Variants in SCAPER observed in about 807,000 individuals in gnomAD.
SCAPER encodes the protein S phase cyclin A-associated protein in the endoplasmic reticulum.
A neutral mutation model predicts 182.2 loss-of-function variants in SCAPER; 98 were observed. The observed-to-expected ratio is 0.54, with a 90% CI of 0.46 to 0.64. The LOEUF is 0.64. Ranked by LOEUF, SCAPER falls within the 30% of genes least tolerant of loss-of-function variation. The pLI, the probability that SCAPER is intolerant of heterozygous loss-of-function variation, is 0.00. For missense variants in SCAPER, 1,432 were observed against 1,690.0 expected (o/e 0.85, Z 2.68); for synonymous variants, 605 against 564.6 (o/e 1.07, Z -1.01).
intron 25 of SCAPER, among the ~76,000 whole-genome samples, chr15:76,442,992 T>G (rs2047721231): frequency 6.6e-6 from 1 of 152,262 alleles, no homozygotes; most frequent in Non-Finnish European, 1.5e-5. Flanking sequence ...GCATGTGTAT[T>G]GATGCAAATG....
At chr15:76,757,539 T>C (rs181905445) in intron 14 of SCAPER, among the ~76,000 whole-genome samples, 40 of 152,264 alleles carry the variant, frequency 2.6e-4, no homozygotes, top group Admixed American at 5.9e-4. Flanking sequence ...TTCCATATCT[T>C]GGCTATTACG....
intron 5 of SCAPER, among the ~76,000 whole-genome samples, chr15:76,816,853 G>A (rs926673085): frequency 1.6e-4 from 25 of 151,912 alleles, no homozygotes; most frequent in Non-Finnish European, 2.5e-4. Flanking sequence ...TAGTACAGAC[G>A]GTGTTAGCCA....
At chr15:76,392,641 C>T (rs1318109514) in intron 27 of SCAPER, among the ~76,000 whole-genome samples, 1 of 152,084 alleles carries the variant, frequency 6.6e-6, no homozygotes, top group African/African-American at 2.4e-5. Flanking sequence ...GTCTCAGCTA[C>T]TTGGGAAGCT....
intron 21 of SCAPER, among the ~76,000 whole-genome samples, chr15:76,649,347 T>C (rs913393780): frequency 2.0e-4 from 30 of 152,138 alleles, no homozygotes; most frequent in Non-Finnish European, 7.4e-5. Context: ...GGAGGATCAC[T>C]TGAGCCTGAG....
chr15:76,721,524 C>T (rs1394956117), intron 17 of SCAPER, among the ~76,000 whole-genome samples: 1 of 151,906 alleles, frequency 6.6e-6, no homozygotes, highest in Admixed American at 6.6e-5. Flanking sequence ...GGCAGTATGG[C>T]CATTTTCACG....
At chr15:76,901,302 A>T (rs182927437) in intron 1 of SCAPER, among the ~76,000 whole-genome samples, 1 of 152,242 alleles carries the variant, frequency 6.6e-6, no homozygotes, top group Non-Finnish European at 1.5e-5. Context: ...AAGATTTTCA[A>T]TTCTGATTAC....
chr15:76,760,979 A>C (rs2062745869), intron 14 of SCAPER, among the ~76,000 whole-genome samples: 1 of 152,148 alleles, frequency 6.6e-6, no homozygotes, highest in African/African-American at 2.4e-5. Context: ...CAGTGAAGCC[A>C]TCTGGCCCTA....
chr15:76,903,106 C>T (rs989650971), intron 1 of SCAPER, among the ~76,000 whole-genome samples: 1 of 151,794 alleles, frequency 6.6e-6, no homozygotes, highest in Middle Eastern at 3.2e-3. Context: ...ATCTCAAGTC[C>T]CTTCATCTTA....
At chr15:76,776,745 A>G (rs2063767445) in intron 8 of SCAPER, among the ~76,000 whole-genome samples, 1 of 152,096 alleles carries the variant, frequency 6.6e-6, no homozygotes, top group South Asian at 2.1e-4. Context: ...CAGGGAGCTG[A>G]GCTTATAAAA....
At chr15:76,868,285 C>T (rs972162478) in intron 2 of SCAPER, among the ~76,000 whole-genome samples, 2 of 151,930 alleles carry the variant, frequency 1.3e-5, no homozygotes, top group African/African-American at 4.8e-5. Context: ...CCTAGCACTT[C>T]GAGAGGCAGA....
chr15:76,538,988 C>G (rs2044470098), intron 23 of SCAPER, among the ~76,000 whole-genome samples: 1 of 151,480 alleles, frequency 6.6e-6, no homozygotes, highest in East Asian at 1.9e-4. Context: ...TTCCTACAGT[C>G]ATATAAACAA....
intron 20 of SCAPER, among the ~76,000 whole-genome samples, chr15:76,682,285 T>A (rs1171370012): frequency 8.5e-6 from 1 of 117,998 alleles, no homozygotes; most frequent in Admixed American, 9.2e-5. Context: ...CCCCACAGTG[T>A]ACGTGTGAGC....
chr15:76,875,810 T>C (rs2073100455), intron 2 of SCAPER, among the ~76,000 whole-genome samples: 5 of 152,124 alleles, frequency 3.3e-5, no homozygotes, highest in Admixed American at 1.3e-4. Flanking sequence ...TCACAGCTCA[T>C]AAAGGCAGTG....
At chr15:76,601,204 A>C (rs180760432) in intron 22 of SCAPER, among the ~76,000 whole-genome samples, 1 of 121,814 alleles carries the variant, frequency 8.2e-6, no homozygotes, top group East Asian at 2.2e-4. Flanking sequence ...TCTCCATCTA[A>C]TGATACGTAT....
chr15:76,516,557 T>C (rs2042440496), intron 23 of SCAPER, among the ~76,000 whole-genome samples: 1 of 152,234 alleles, frequency 6.6e-6, no homozygotes, highest in South Asian at 2.1e-4. Context: ...CCTTTTTTTA[T>C]GGCTGCATAG....
rs189053878 is a variant in SCAPER, at chr15:76,644,673, C to A, written c.2645+20980G>T. Among the ~76,000 whole-genome samples the A allele has an allele frequency of 1.7e-3, 257 of 152,174 alleles. 1 individual carries two copies. The highest frequency in any genetic ancestry group is 5.9e-3 in the African/African-American group (245 of 41,530). ...AGCTTCAACAATTCCCCACAATACCCAGTATAAAACCTAAACTACTTATAG... is the reference window on the plus strand; with the variant it reads ...AGCTTCAACAATTCCCCACAATACCAAGTATAAAACCTAAACTACTTATAG... On this transcript the variant is annotated intron_variant, in intron 21 of 31. Transcript: ENST00000563290.
At chr15:76,731,562 T>A (rs112289429) in intron 16 of SCAPER, among the ~76,000 whole-genome samples, 2 of 152,334 alleles carry the variant, frequency 1.3e-5, no homozygotes, top group African/African-American at 4.8e-5. Flanking sequence ...TAGGTTAGGA[T>A]CTTACCATTA....
intron 14 of SCAPER, among the ~76,000 whole-genome samples, chr15:76,755,637 T>C (rs2151205170): frequency 6.6e-6 from 1 of 152,332 alleles, no homozygotes; most frequent in African/African-American, 2.4e-5. Context: ...AAGATCCTTA[T>C]GTAATCTCCT....
chr15:76,883,135 A>G (rs542319969), intron 2 of SCAPER, among the ~76,000 whole-genome samples: 13 of 152,338 alleles, frequency 8.5e-5, no homozygotes, highest in African/African-American at 3.1e-4. Context: ...AGGCCAGACA[A>G]TAAGAGAGAA....
Sources: gnomAD v4.1 joint callset for allele counts (sites outside exome capture counted in the v4.1 genomes callset) on GRCh38, gnomAD v4.1.1 for gene constraint, MANE v1.5 for transcripts, NCBI Gene and HGNC (gene_info 2026-07-23, HGNC 2026-07-21) for gene names.